Variants in TRIM5 observed in about 807,000 individuals in gnomAD.
The protein encoded by TRIM5 is tripartite motif containing 5.
A neutral mutation model predicts 35.6 loss-of-function variants in TRIM5; 31 were observed. The observed-to-expected ratio is 0.87, with a 90% CI of 0.65 to 1.18. The LOEUF (loss-of-function observed/expected upper bound fraction) is 1.18, where lower values mean the gene tolerates loss of function less well. TRIM5 is among the 50% of genes most tolerant of loss of function. The pLI is 0.00. For missense variants in TRIM5, 609 were observed against 591.6 expected (o/e 1.03, Z -0.31); for synonymous variants, 243 against 215.6 (o/e 1.13, Z -1.11).
At chr11:5,609,780 A>G in the TRIM5 span, among the ~76,000 whole-genome samples, 4 of 152,138 alleles carry the variant, frequency 2.6e-5, no homozygotes, top group Admixed American at 1.3e-4. Context: ...AAAATTAGCC[A>G]GGCGTGGTGG....
chr11:5,605,624 C>A, the TRIM5 span: 1 of 1,535,556 alleles, frequency 6.5e-7, no homozygotes, highest in Non-Finnish European at 8.7e-7. Context: ...AACTAACTTT[C>A]CTTCCTTTCT....
chr11:5,635,393 T>C, the TRIM5 span, among the ~76,000 whole-genome samples: 9 of 152,102 alleles, frequency 5.9e-5, no homozygotes, highest in South Asian at 1.9e-3. Flanking sequence ...TAGCTGGGAC[T>C]ACAGGCACCC....
At chr11:5,604,598 C>T in the TRIM5 span, 2 of 1,612,886 alleles carry the variant, frequency 1.2e-6, no homozygotes, top group Non-Finnish European at 8.5e-7. Flanking sequence ...AAGCTAACAG[C>T]TTTTATCAGA....
At chr11:5,634,607 ACT>A in the TRIM5 span, 1 of 1,598,424 alleles carries the variant, frequency 6.3e-7, no homozygotes, top group East Asian at 2.2e-5. Flanking sequence ...ACTTACTACA[ACT>A]CTCTCTTGTC....
At chr11:5,610,000 G>T in the TRIM5 span, 6 of 743,876 alleles carry the variant, frequency 8.1e-6, no homozygotes, top group Non-Finnish European at 1.3e-5. Flanking sequence ...TCTGGCTCCA[G>T]TGCCAGGGCT....
chr11:5,644,991 C>T, the TRIM5 span, among the ~76,000 whole-genome samples: 1 of 152,028 alleles, frequency 6.6e-6, no homozygotes, highest in Non-Finnish European at 1.5e-5. Flanking sequence ...CCACTCTTGC[C>T]AGAGATGTTC....
the TRIM5 span, among the ~76,000 whole-genome samples, chr11:5,655,023 T>G: frequency 6.6e-6 from 1 of 151,924 alleles, no homozygotes; most frequent in African/African-American, 2.4e-5. Flanking sequence ...AAACCTGGTC[T>G]CAACTAAAAA....
chr11:5,610,917 C>T, the TRIM5 span: 1 of 1,614,190 alleles, frequency 6.2e-7, no homozygotes, highest in Non-Finnish European at 8.5e-7. Context: ...CCTGGGCTCC[C>T]AGCACTTCTC....
In TRIM5 at chr11:5,680,070, T is replaced by C; in HGVS notation, c.108A>G (p.Gln36=). Residue 36 remains glutamine, a synonymous_variant, in exon 2 of 8, where the codon CAA becomes CAG. Transcript: ENST00000380034. ...TCTTGTGGTTTGCAGTGAGGCATGC[T>C]TGGCAGAAGCTGTGGCCGCAGTCCA... The part of the protein sequence containing the change: ...LSLDCGHSFC[Q]ACLTANHKKS... 6.2e-7 allele frequency: 1 copy of C among 1,614,162 alleles called. No individual in the cohort carries two copies. Among genetic ancestry groups the C allele is most frequent in the Non-Finnish European group, 8.5e-7 (1 of 1,180,040 alleles).
the TRIM5 span, among the ~76,000 whole-genome samples, chr11:5,622,634 CAAATA>C: frequency 1.2e-5 from 1 of 83,762 alleles, no homozygotes; most frequent in African/African-American, 6.3e-5. Context: ...AACAAACAAA[CAAATA>C]AAAAAAACCG....
chr11:5,642,279 C>A, the TRIM5 span: 1 of 753,000 alleles, frequency 1.3e-6, no homozygotes, highest in Non-Finnish European at 2.1e-6. Context: ...CTCCCTTCTC[C>A]CCCTCCTCAG....
At chr11:5,656,754 CAAT>C in the TRIM5 span, among the ~76,000 whole-genome samples, 1 of 152,120 alleles carries the variant, frequency 6.6e-6, no homozygotes, top group African/African-American at 2.4e-5. Context: ...ATCAAAACCA[CAAT>C]GAGATACCAT....
chr11:5,682,206 C>A (rs539527783), intron 1 of TRIM5, among the ~76,000 whole-genome samples: 2 of 152,270 alleles, frequency 1.3e-5, no homozygotes, highest in Admixed American at 6.5e-5. Flanking sequence ...GAGTTCAAGA[C>A]CAGCCTGGCC....
chr11:5,645,866 G>GCAAAAAAA, the TRIM5 span: 1 of 73,284 alleles, frequency 1.4e-5, no homozygotes. Flanking sequence ...CTAGTCTTCT[G>GCAAAAAAA]GAAAAAAAAA....
At chr11:5,633,660 C>T in the TRIM5 span, 7 of 715,604 alleles carry the variant, frequency 9.8e-6, no homozygotes, top group African/African-American at 1.8e-5. Context: ...AAAATTTTCC[C>T]CATGTCATAG....
In TRIM5 at chr11:5,678,342, G is replaced by C; in HGVS notation, c.606C>G (p.Asn202Lys). ...GAATGTCTTCCTCCTCCTTCTCCAGGTTTTGCAGCTCATTGCTCTCCTCCC... is the reference window on the plus strand; with the variant it reads ...GAATGTCTTCCTCCTCCTTCTCCAGCTTTTGCAGCTCATTGCTCTCCTCCC... Reference protein sequence around the residue: ...LDWEESNELQNLEKEEEDILK... With the variant: ...LDWEESNELQKLEKEEEDILK... The change falls in exon 4 of 8, where the codon AAC becomes AAG. Residue 202 changes from asparagine to lysine, a missense_variant. Coordinates refer to ENST00000380034, the MANE Select transcript of TRIM5 (RefSeq NM_033034.3). 6.2e-7 allele frequency: 1 copy of C among 1,613,708 alleles called. No individual in the cohort carries two copies. Among genetic ancestry groups the C allele is most frequent in the Non-Finnish European group, 8.5e-7 (1 of 1,179,770 alleles).
At chr11:5,606,505 G>A in the TRIM5 span, among the ~76,000 whole-genome samples, 2 of 152,056 alleles carry the variant, frequency 1.3e-5, no homozygotes, top group Admixed American at 1.3e-4. Context: ...TTCTTTCTTG[G>A]TGGAATAATT....
the TRIM5 span, chr11:5,643,783 A>G: frequency 6.6e-7 from 1 of 1,504,314 alleles, no homozygotes; most frequent in South Asian, 1.4e-5. Flanking sequence ...CAACATTCAC[A>G]CCATTGCTTC....
intron 5 of TRIM5, among the ~76,000 whole-genome samples, chr11:5,667,373 A>G (rs1474391008): frequency 6.6e-6 from 1 of 151,690 alleles, no homozygotes; most frequent in Admixed American, 6.6e-5. Context: ...CGCCCCCCTA[A>G]TTTTTGTATT....
Sources: allele counts gnomAD v4.1 joint callset (sites outside exome capture counted in the v4.1 genomes callset), GRCh38; gene constraint gnomAD v4.1.1; transcripts MANE v1.5; gene names NCBI Gene and HGNC (gene_info 2026-07-23, HGNC 2026-07-21).